Variants in GRB14 observed in about 807,000 individuals in gnomAD.
GRB14 encodes growth factor receptor-bound protein 14.
In GRB14, 38 loss-of-function variants were observed where a neutral mutation model predicts 69.1. The observed-to-expected ratio is 0.55, with a 90% CI of 0.42 to 0.72. GRB14 has a LOEUF of 0.72. GRB14 is among the 30% of genes least tolerant of loss of function. The pLI is 0.00. For missense variants in GRB14, 666 were observed against 666.1 expected, an observed-to-expected ratio of 1.00 and a Z score of 0.00; for synonymous variants, 247 against 241.3, an observed-to-expected ratio of 1.02 and a Z score of -0.22.
intron 2 of GRB14, among the ~76,000 whole-genome samples, chr2:164,610,313 A>G (rs1690136949): frequency 6.6e-6 from 1 of 152,192 alleles, no homozygotes; most frequent in Non-Finnish European, 1.5e-5. Flanking sequence ...AAAGCTGTGG[A>G]TCTTATGAAC....
intron 2 of GRB14, among the ~76,000 whole-genome samples, chr2:164,555,731 T>A (rs1688662724): frequency 6.6e-6 from 1 of 150,940 alleles, no homozygotes; most frequent in Non-Finnish European, 1.5e-5. Flanking sequence ...TTCATTAATT[T>A]ATGTATTGTA....
chr2:164,542,759 G>A (rs1688272500), intron 3 of GRB14, among the ~76,000 whole-genome samples: 1 of 152,182 alleles, frequency 6.6e-6, no homozygotes, highest in Non-Finnish European at 1.5e-5. Context: ...TGGCAAGGCT[G>A]CAGAGAAAAG....
At chr2:164,557,176 G>T (rs961636894) in intron 2 of GRB14, among the ~76,000 whole-genome samples, 1 of 152,192 alleles carries the variant, frequency 6.6e-6, no homozygotes, top group Non-Finnish European at 1.5e-5. Flanking sequence ...GAAGAAAGGA[G>T]TGAACAATAC....
Position 164,576,845 on chromosome 2 carries a change from T to A in GRB14, c.325-29029A>T, listed in dbSNP as rs543767309. Among the ~76,000 whole-genome samples, 33 of 146,742 alleles carry A rather than the reference T, an allele frequency of 2.2e-4. No individual in the cohort carries two copies. In the South Asian group the frequency reaches 7.2e-3, roughly 32 times the overall value. ...AACTTGAAAAAAAAAGGTAAAATGA[T>A]AAAACTAATAAGTTCTGAATCTGGT... On this transcript the variant is annotated intron_variant, in intron 2 of 13. Transcript: ENST00000263915.
At chr2:164,580,712 A>G (rs1375480889) in intron 2 of GRB14, among the ~76,000 whole-genome samples, 2 of 139,828 alleles carry the variant, frequency 1.4e-5, no homozygotes. Flanking sequence ...TCAGGAAGAA[A>G]AAAAAAAAAA....
chr2:164,495,840 T>C (rs1686879039), intron 12 of GRB14, among the ~76,000 whole-genome samples: 1 of 152,154 alleles, frequency 6.6e-6, no homozygotes, highest in African/African-American at 2.4e-5. Context: ...CACCATCACA[T>C]CTCTCCAAAA....
chr2:164,592,988 T>C (rs1043865303), intron 2 of GRB14, among the ~76,000 whole-genome samples: 13 of 152,212 alleles, frequency 8.5e-5, no homozygotes, highest in African/African-American at 2.7e-4. Context: ...CAAAAACCCA[T>C]CCTAAATTAT....
At position 164,592,360 on chromosome 2, in the gene GRB14, T is replaced by C. The variant is rs538660945; in HGVS notation, c.324+27327A>G. Among the ~76,000 whole-genome samples the C allele has an allele frequency of 1.9e-3, 295 of 152,276 alleles. 1 individual carries two copies. The highest frequency in any genetic ancestry group is 6.8e-3 in the African/African-American group (282 of 41,560). The stretch of plus-strand genomic sequence containing the variant: ...CATGTTAGCCAAGATGGTCTCGATC[T>C]CCTGACCTTGTGATCCGCCTGCCTC... On this transcript the variant is annotated intron_variant, in intron 2 of 13. Coordinates refer to ENST00000263915, the MANE Select transcript of GRB14 (RefSeq NM_004490.3).
At chr2:164,603,662 CAA>C (rs1257080656) in intron 2 of GRB14, among the ~76,000 whole-genome samples, 1 of 66,640 alleles carries the variant, frequency 1.5e-5, no homozygotes, top group African/African-American at 5.3e-5. Context: ...GACACCACCT[CAA>C]AAAAAAAATA....
intron 3 of GRB14, among the ~76,000 whole-genome samples, chr2:164,531,369 A>G (rs1472983010): frequency 6.6e-6 from 1 of 152,202 alleles, no homozygotes; most frequent in African/African-American, 2.4e-5. Flanking sequence ...GTGGGAGACA[A>G]TTTCAAGATA....
At position 164,522,091 on chromosome 2, in the gene GRB14, A is replaced by G. The variant is rs774852878; in HGVS notation, c.705T>C (p.Pro235=). The G allele has an allele frequency of 6.3e-7, 1 of 1,597,220 alleles. No individual in the cohort carries two copies. Among genetic ancestry groups the G allele is most frequent in the South Asian group, 1.1e-5 (1 of 88,980 alleles). ...LQMFLSSSTY[P]EIHGFLHAKE... Reference sequence around the variant, plus strand: ...TCGCATGTAAGAAACCATGAATTTCAGGATATGTGCTTGAACTCAGAAACA... The same window carrying G: ...TCGCATGTAAGAAACCATGAATTTCGGGATATGTGCTTGAACTCAGAAACA... The change falls in exon 6 of 14, where the codon CCT becomes CCC. Residue 235 remains proline, a synonymous_variant. Coordinates refer to ENST00000263915, the MANE Select transcript of GRB14 (RefSeq NM_004490.3).
intron 3 of GRB14, among the ~76,000 whole-genome samples, chr2:164,545,558 C>T (rs1255068027): frequency 6.6e-6 from 1 of 152,174 alleles, no homozygotes; most frequent in African/African-American, 2.4e-5. Context: ...AGAGGACACA[C>T]ATCCCTGACG....
intron 3 of GRB14, among the ~76,000 whole-genome samples, chr2:164,543,619 C>G (rs1213076229): frequency 1.3e-5 from 2 of 152,160 alleles, no homozygotes; most frequent in African/African-American, 2.4e-5. Context: ...TTCTTTACAT[C>G]AGTAGCACTC....
At chr2:164,521,398 T>C (rs1307784542) in intron 6 of GRB14, among the ~76,000 whole-genome samples, 1 of 151,978 alleles carries the variant, frequency 6.6e-6, no homozygotes, top group East Asian at 1.9e-4. Flanking sequence ...TAAAAGACTA[T>C]ACAATGAGTA....
At chr2:164,596,609 G>A (rs1689786287) in intron 2 of GRB14, among the ~76,000 whole-genome samples, 2 of 152,120 alleles carry the variant, frequency 1.3e-5, no homozygotes, top group African/African-American at 4.8e-5. Context: ...ATTACTTAAA[G>A]TACATTTGGT....
chr2:164,524,858 T>G, intron 5 of GRB14, 146 bp downstream of exon 5: 1 of 342,414 alleles, frequency 2.9e-6, no homozygotes, highest in Non-Finnish European at 5.4e-6. Flanking sequence ...CCTGGGTGCA[T>G]TTTTTTTTTA....
chr2:164,597,016 T>A (rs1558876633), intron 2 of GRB14, among the ~76,000 whole-genome samples: 1 of 152,188 alleles, frequency 6.6e-6, no homozygotes, highest in Admixed American at 6.5e-5. Context: ...ATGTCAGATA[T>A]CCTATTTATG....
chr2:164,541,333 G>A (rs1688233242), intron 3 of GRB14, among the ~76,000 whole-genome samples: 1 of 151,890 alleles, frequency 6.6e-6, no homozygotes, highest in African/African-American at 2.4e-5. Context: ...TTAGCTGGGC[G>A]TGGTGGTGGG....
chr2:164,506,830 T>C (rs764990511), intron 8 of GRB14, among the ~76,000 whole-genome samples: 1 of 152,176 alleles, frequency 6.6e-6, no homozygotes, highest in African/African-American at 2.4e-5. Context: ...TATGCTTCAA[T>C]GTTGGTGAAC....
Sources: allele counts gnomAD v4.1 joint callset (sites outside exome capture counted in the v4.1 genomes callset), GRCh38; gene constraint gnomAD v4.1.1; transcripts MANE v1.5; gene names NCBI Gene and HGNC (gene_info 2026-07-23, HGNC 2026-07-21).